Variants in ATF7 observed in about 807,000 individuals in gnomAD.
ATF7 encodes the protein activating transcription factor 7.
In ATF7, 10 loss-of-function variants were observed where a neutral mutation model predicts 50.4. The observed-to-expected ratio is 0.20, with a 90% CI of 0.12 to 0.34. The LOEUF (loss-of-function observed/expected upper bound fraction) is 0.34. Among genes scored for constraint, ATF7 ranks in the 10% least tolerant of loss-of-function variants. ATF7 has a pLI of 1.00. For missense variants in ATF7, 465 were observed against 613.9 expected, an observed-to-expected ratio of 0.76 and a Z score of 2.56; for synonymous variants, 201 against 226.4, an observed-to-expected ratio of 0.89 and a Z score of 1.01.
intron 2 of ATF7, among the ~76,000 whole-genome samples, chr12:53,585,678 A>C (rs919973961): frequency 1.3e-5 from 2 of 152,204 alleles, no homozygotes; most frequent in African/African-American, 4.8e-5. Flanking sequence ...CCAAGCAGGA[A>C]CTGGTGTCTC....
chr12:53,523,364 G>A lies in ATF7; in HGVS notation c.1146C>T (p.Arg382=). The A allele has an allele frequency of 6.2e-7, 1 of 1,612,602 alleles. No individual in the cohort carries two copies. Among genetic ancestry groups the A allele is most frequent in the Non-Finnish European group, 8.5e-7 (1 of 1,178,680 alleles). Residue 382 remains arginine (R), a synonymous_variant, in exon 11 of 12, where the codon CGC becomes CGT. Coordinates refer to ENST00000420353, the MANE Select transcript of ATF7 (RefSeq NM_006856.3). ...GCTGTTTCAACTGGGCCACCTCATT[G>A]CGTAGTAATGTGACTTCATTCTGAG... ...IQLSNEVTLL[R]NEVAQLKQLL...
intron 2 of ATF7, chr12:53,575,478 AG>A (rs137871134): frequency 6.6e-6 from 1 of 151,858 alleles, no homozygotes; most frequent in African/African-American, 2.4e-5. Flanking sequence ...CAGGAGGCCA[AG>A]GCAGAAGAAT....
chr12:53,525,452 A>C (rs1162945114), intron 9 of ATF7, among the ~76,000 whole-genome samples: 1 of 152,242 alleles, frequency 6.6e-6, no homozygotes, highest in Non-Finnish European at 1.5e-5. Context: ...GAAATAAAAA[A>C]GTTTGAGAAT....
chr12:53,543,075 T>C (rs1939672166), intron 4 of ATF7: 3 of 1,344,314 alleles, frequency 2.2e-6, no homozygotes, highest in African/African-American at 1.5e-5. Context: ...AAACCGATTA[T>C]TAAACTAATA....
intron 2 of ATF7, among the ~76,000 whole-genome samples, chr12:53,581,395 A>G (rs1942417608): frequency 6.6e-6 from 1 of 152,184 alleles, no homozygotes; most frequent in African/African-American, 2.4e-5. Flanking sequence ...CAGATTATAC[A>G]TTCTTCTTAG....
At chr12:53,589,737 A>T (rs533295141) in intron 2 of ATF7, among the ~76,000 whole-genome samples, 1 of 152,338 alleles carries the variant, frequency 6.6e-6, no homozygotes, top group East Asian at 1.9e-4. Flanking sequence ...AACGAGCTAG[A>T]ATTCTAAGCA....
chr12:53,588,003 C>T, intron 2 of ATF7, among the ~76,000 whole-genome samples: 1 of 151,614 alleles, frequency 6.6e-6, no homozygotes, highest in Non-Finnish European at 1.5e-5. Flanking sequence ...GCACCTGCCA[C>T]CACCCCCAGC....
chr12:53,566,017 T>C (rs1314953405), intron 2 of ATF7, among the ~76,000 whole-genome samples: 3 of 151,986 alleles, frequency 2.0e-5, no homozygotes, highest in Non-Finnish European at 4.4e-5. Context: ...AAGAAGAGCA[T>C]GTGCAGGGGA....
intron 1 of ATF7, among the ~76,000 whole-genome samples, chr12:53,612,434 C>T (rs766382080): frequency 5.3e-5 from 8 of 152,060 alleles, no homozygotes; most frequent in African/African-American, 7.2e-5. Context: ...CCATCACGCC[C>T]GGCTAATTTT....
chr12:53,560,787 C>T (rs1941052291), intron 2 of ATF7, among the ~76,000 whole-genome samples: 1 of 152,062 alleles, frequency 6.6e-6, no homozygotes, highest in Non-Finnish European at 1.5e-5. Context: ...AGAAATAATA[C>T]AAGGAACTGA....
chr12:53,591,122 A>G (rs1942920659), intron 2 of ATF7, among the ~76,000 whole-genome samples: 1 of 152,120 alleles, frequency 6.6e-6, no homozygotes, highest in Non-Finnish European at 1.5e-5. Flanking sequence ...GTAGGGGTGG[A>G]GTGAGGAGGT....
At chr12:53,555,274 G>A (rs1383616012) in intron 2 of ATF7, among the ~76,000 whole-genome samples, 7 of 150,854 alleles carry the variant, frequency 4.6e-5, no homozygotes, top group Non-Finnish European at 7.4e-5. Flanking sequence ...GCAGTGAGCC[G>A]AGATTGCGCC....
chr12:53,611,210 C>T (rs964306953), intron 1 of ATF7, among the ~76,000 whole-genome samples: 1 of 152,064 alleles, frequency 6.6e-6, no homozygotes, highest in South Asian at 2.1e-4. Context: ...GTGGCTCACA[C>T]CTGTAATCCC....
At chr12:53,548,906 G>A (rs1324436917) in intron 3 of ATF7, among the ~76,000 whole-genome samples, 1 of 152,014 alleles carries the variant, frequency 6.6e-6, no homozygotes, top group African/African-American at 2.4e-5. Flanking sequence ...GATGGCTTGA[G>A]TCCAAGAGTT....
chr12:53,518,234 A>C (rs1271931317), intron 11 of ATF7, among the ~76,000 whole-genome samples: 4 of 152,276 alleles, frequency 2.6e-5, no homozygotes, highest in African/African-American at 9.6e-5. Flanking sequence ...ATATCAAGCT[A>C]TAATTAAATG....
At chr12:53,517,462 T>C (rs1937779983) in intron 11 of ATF7, 108 bp from the exon 12 acceptor site, 2 of 1,102,732 alleles carry the variant, frequency 1.8e-6, no homozygotes, top group Admixed American at 2.6e-5. Flanking sequence ...AAAAGGGAAA[T>C]GAAACCCATC....
intron 2 of ATF7, among the ~76,000 whole-genome samples, chr12:53,580,393 G>A (rs539562325): frequency 2.0e-5 from 3 of 151,080 alleles, no homozygotes; most frequent in Admixed American, 6.6e-5. Flanking sequence ...GGCCGGGTGC[G>A]GTGGCTCACG....
At chr12:53,569,886 C>T (rs1941654956) in intron 2 of ATF7, among the ~76,000 whole-genome samples, 1 of 152,126 alleles carries the variant, frequency 6.6e-6, no homozygotes, top group Admixed American at 6.5e-5. Flanking sequence ...ACCATATTGG[C>T]CAGGCTGGTC....
intron 5 of ATF7, among the ~76,000 whole-genome samples, chr12:53,536,376 A>T (rs1438210138): frequency 6.6e-6 from 1 of 151,402 alleles, no homozygotes; most frequent in Non-Finnish European, 1.5e-5. Context: ...TCCTGGGTTC[A>T]AGCAATTCTC....
Sources: gnomAD v4.1 joint callset for allele counts (sites outside exome capture counted in the v4.1 genomes callset) on GRCh38, gnomAD v4.1.1 for gene constraint, MANE v1.5 for transcripts, NCBI Gene and HGNC (gene_info 2026-07-23, HGNC 2026-07-21) for gene names.